The following DISC1 variants were observed in gnomAD, a reference collection of about 807,000 sequenced individuals.
DISC1 encodes DISC1 scaffold protein.
DISC1 carries 57 observed loss-of-function variants against 84.5 expected under a neutral mutation model. The ratio of observed to expected loss-of-function variants is 0.67; its 90% CI spans 0.55 to 0.84. The LOEUF (loss-of-function observed/expected upper bound fraction) is 0.84, where lower values mean the gene tolerates loss of function less well. Among genes scored for constraint, DISC1 ranks in the 40% least tolerant of loss-of-function variants. The pLI, the probability that DISC1 is intolerant of heterozygous loss-of-function variation, is 0.00. For synonymous variants in DISC1, 411 were observed against 415.2 expected (o/e 0.99, Z 0.12); for missense variants, 1,000 against 1,057.8 (o/e 0.95, Z 0.76).
At chr1:231,834,033 C>G (rs557871299) in intron 9 of DISC1, among the ~76,000 whole-genome samples, 139 of 152,248 alleles carry the variant, frequency 9.1e-4, no homozygotes, top group African/African-American at 3.3e-3. Flanking sequence ...ATGAACTGGG[C>G]TGGGTTTTTA....
chr1:231,950,193 GAAAA>G (rs993365593), intron 9 of DISC1, among the ~76,000 whole-genome samples: 1 of 131,792 alleles, frequency 7.6e-6, no homozygotes, highest in African/African-American at 2.8e-5. Context: ...AAAAAAGAAT[GAAAA>G]AAAATTCTGT....
At chr1:231,882,915 G>C (rs750842348) in intron 9 of DISC1, among the ~76,000 whole-genome samples, 5 of 151,976 alleles carry the variant, frequency 3.3e-5, no homozygotes, top group Admixed American at 1.3e-4. Context: ...TGGGCACCTG[G>C]TTGTTGGTAT....
intron 1 of DISC1, among the ~76,000 whole-genome samples, chr1:231,647,103 A>T (rs1033785222): frequency 6.6e-6 from 1 of 152,138 alleles, no homozygotes; most frequent in Non-Finnish European, 1.5e-5. Context: ...TTGTGTTGCC[A>T]TTGCTTTTGG....
chr1:231,870,087 G>A (rs577504453), intron 9 of DISC1, among the ~76,000 whole-genome samples: 2 of 152,204 alleles, frequency 1.3e-5, no homozygotes, highest in African/African-American at 2.4e-5. Flanking sequence ...TTCTTAGGGT[G>A]GGGCAGGATA....
intron 9 of DISC1, among the ~76,000 whole-genome samples, chr1:231,910,212 G>A (rs11122369): frequency 0.16 from 24,063 of 152,026 alleles, 2,866 homozygotes; most frequent in East Asian, 0.7. Context: ...CTTGCCTTCT[G>A]CTAGCTTTTG....
At chr1:232,006,809 G>T (rs144171960) in intron 10 of DISC1, among the ~76,000 whole-genome samples, 362 of 152,316 alleles carry the variant, frequency 2.4e-3, no homozygotes, top group African/African-American at 8.2e-3. Context: ...TCTAGGGCAT[G>T]TCAGAGGTCT....
intron 9 of DISC1, among the ~76,000 whole-genome samples, 177 bp from the exon 10 acceptor site, chr1:231,958,650 TC>T (rs1659943935): frequency 6.6e-6 from 1 of 152,212 alleles, no homozygotes; most frequent in African/African-American, 2.4e-5. Context: ...CCCGGAATCC[TC>T]CCCAACTCAT....
At chr1:231,715,568 G>C (rs2068581725) in intron 3 of DISC1, among the ~76,000 whole-genome samples, 1 of 152,148 alleles carries the variant, frequency 6.6e-6, no homozygotes, top group Non-Finnish European at 1.5e-5. Flanking sequence ...CTCAGGAAAA[G>C]TTCAACCCAT....
At chr1:231,841,213 T>C (rs2083030020) in intron 9 of DISC1, among the ~76,000 whole-genome samples, 1 of 152,238 alleles carries the variant, frequency 6.6e-6, no homozygotes, top group African/African-American at 2.4e-5. Context: ...ACAACACTTT[T>C]GGTCCTAAGC....
intron 3 of DISC1, among the ~76,000 whole-genome samples, chr1:231,711,536 T>G (rs1023182963): frequency 1.3e-5 from 2 of 151,626 alleles, no homozygotes; most frequent in Non-Finnish European, 2.9e-5. Context: ...ATTTTTTTTT[T>G]TTTTGGTATT....
intron 6 of DISC1, among the ~76,000 whole-genome samples, chr1:231,776,927 C>A (rs1187895822): frequency 1.3e-5 from 2 of 152,140 alleles, no homozygotes; most frequent in African/African-American, 2.4e-5. Context: ...AATGCTCTTG[C>A]CCCGGGGGTA....
intron 1 of DISC1, among the ~76,000 whole-genome samples, chr1:231,653,324 G>T (rs1025657066): frequency 2.0e-5 from 3 of 152,326 alleles, no homozygotes; most frequent in African/African-American, 7.2e-5. Context: ...CCAGGCTTGC[G>T]TGGAGGGGCT....
intron 4 of DISC1, among the ~76,000 whole-genome samples, chr1:231,758,558 C>T (rs1207029824): frequency 6.6e-6 from 1 of 152,080 alleles, no homozygotes; most frequent in African/African-American, 2.4e-5. Flanking sequence ...TAGGATGCCC[C>T]ACTCCATCAT....
chr1:231,653,216 A>G (rs1175792482), intron 1 of DISC1, among the ~76,000 whole-genome samples: 1 of 152,246 alleles, frequency 6.6e-6, no homozygotes, highest in South Asian at 2.1e-4. Context: ...GTTCTAAAGC[A>G]TATATTCTGA....
intron 6 of DISC1, among the ~76,000 whole-genome samples, chr1:231,779,549 GTTT>G (rs762129889): frequency 0.036 from 1,915 of 53,398 alleles, 10 homozygotes; most frequent in Middle Eastern, 0.053. Context: ...ACCTATTCTT[GTTT>G]TTTTTTTTTT....
intron 9 of DISC1, among the ~76,000 whole-genome samples, chr1:231,913,527 C>A (rs149311885): frequency 6.6e-6 from 1 of 152,330 alleles, no homozygotes; most frequent in Non-Finnish European, 1.5e-5. Flanking sequence ...TGGGCTGCAC[C>A]ATTTAAGCAG....
intron 1 of DISC1, among the ~76,000 whole-genome samples, chr1:231,677,908 T>G (rs2063315989): frequency 6.6e-6 from 1 of 151,556 alleles, no homozygotes; most frequent in African/African-American, 2.4e-5. Flanking sequence ...ACCTGCGAGG[T>G]GGTGGTTGCA....
At chr1:231,700,071 A>G (rs1235914504) in intron 2 of DISC1, among the ~76,000 whole-genome samples, 3 of 152,158 alleles carry the variant, frequency 2.0e-5, no homozygotes, top group Non-Finnish European at 4.4e-5. Context: ...TCTCAAGGAG[A>G]TCAGATTTCA....
intron 1 of DISC1, among the ~76,000 whole-genome samples, chr1:231,649,197 G>A (rs916122992): frequency 1.3e-5 from 2 of 152,206 alleles, no homozygotes; most frequent in Non-Finnish European, 2.9e-5. Flanking sequence ...GACATTTAGT[G>A]CTGTAAATTT....
Sources: allele counts gnomAD v4.1 joint callset (sites outside exome capture counted in the v4.1 genomes callset), GRCh38; gene constraint gnomAD v4.1.1; transcripts MANE v1.5; gene names NCBI Gene and HGNC (gene_info 2026-07-23, HGNC 2026-07-21).